The following MAML3 variants were observed in gnomAD, a reference collection of about 807,000 sequenced individuals.
MAML3 encodes the protein mastermind-like protein 3.
In MAML3, 27 loss-of-function variants were observed where a neutral mutation model predicts 101.9. The ratio of observed to expected loss-of-function variants is 0.27; its 90% CI spans 0.20 to 0.37. The LOEUF (loss-of-function observed/expected upper bound fraction) is 0.37. Ranked by LOEUF, MAML3 falls within the 10% of genes least tolerant of loss-of-function variation. The probability of loss-of-function intolerance (pLI) is 1.00; values close to 1 mark genes in which losing one functional copy is unlikely to be tolerated. For synonymous variants in MAML3, 501 were observed against 555.9 expected (o/e 0.90, Z 1.39); for missense variants, 1,316 against 1,444.9 (o/e 0.91, Z 1.45).
At chr4:139,891,012 AT>A in intron 1 of MAML3, 45 bp from the exon 2 acceptor site, 1 of 1,572,192 alleles carries the variant, frequency 6.4e-7, no homozygotes, top group Non-Finnish European at 8.6e-7. Context: ...TCCAAGTCAT[AT>A]TTTACTCTTT....
chr4:139,868,029 G>A (rs1310192668), intron 2 of MAML3, among the ~76,000 whole-genome samples: 1 of 152,238 alleles, frequency 6.6e-6, no homozygotes, highest in Non-Finnish European at 1.5e-5. Flanking sequence ...GCATTTATAA[G>A]GCACTTCTTT....
intron 2 of MAML3, among the ~76,000 whole-genome samples, chr4:139,844,892 C>A (rs979030853): frequency 6.6e-6 from 1 of 152,164 alleles, no homozygotes; most frequent in African/African-American, 2.4e-5. Flanking sequence ...TTTGTTTAGT[C>A]CTATTCTGGC....
intron 1 of MAML3, among the ~76,000 whole-genome samples, chr4:140,053,969 G>A (rs555844628): frequency 2.0e-5 from 3 of 152,110 alleles, no homozygotes; most frequent in Admixed American, 6.5e-5. Context: ...ACTGTGGTTA[G>A]GTCTAAGAAG....
rs78006170 is a variant in MAML3 at position 139,944,077 on chromosome 4, C to T, written c.469-53110G>A. On this transcript the variant is annotated intron_variant, in intron 1 of 4. Transcript: ENST00000509479. ...AGTAGAGAGGGGATTTCACCATGTTCGCTGGGATGGTCTCGATCTGCTGAC... is the reference window on the plus strand; with the variant it reads ...AGTAGAGAGGGGATTTCACCATGTTTGCTGGGATGGTCTCGATCTGCTGAC... 8.0e-3 allele frequency among the ~76,000 whole-genome samples: 1,212 copies of T among 151,972 alleles called. 13 individuals carry two copies. Among genetic ancestry groups the T allele is most frequent in the Admixed American group, 0.029 (443 of 15,268 alleles).
At chr4:140,052,539 T>C (rs1727285023) in intron 1 of MAML3, among the ~76,000 whole-genome samples, 1 of 151,062 alleles carries the variant, frequency 6.6e-6, no homozygotes, top group Admixed American at 6.6e-5. Context: ...ATATTTCTTT[T>C]TTTTTTTTTT....
chr4:140,049,575 T>C (rs534746796), intron 1 of MAML3, among the ~76,000 whole-genome samples: 60 of 152,258 alleles, frequency 3.9e-4, no homozygotes, highest in African/African-American at 1.4e-3. Flanking sequence ...ATCAGGGTGT[T>C]AACAACAACC....
chr4:139,968,532 GT>G (rs1392948683), intron 1 of MAML3, among the ~76,000 whole-genome samples: 7 of 152,172 alleles, frequency 4.6e-5, no homozygotes, highest in African/African-American at 1.4e-4. Flanking sequence ...ACAGTAATAA[GT>G]TTGATGACTA....
intron 1 of MAML3, among the ~76,000 whole-genome samples, chr4:139,955,825 T>A (rs1318139308): frequency 1.3e-5 from 2 of 152,184 alleles, no homozygotes; most frequent in African/African-American, 4.8e-5. Flanking sequence ...GAGTTCTCTG[T>A]ATTCCCTTAC....
At chr4:139,885,787 G>A (rs890709325) in intron 2 of MAML3, among the ~76,000 whole-genome samples, 1 of 146,768 alleles carries the variant, frequency 6.8e-6, no homozygotes, top group Admixed American at 6.8e-5. Flanking sequence ...AAAAAAATTA[G>A]CCAGGCGTGC....
At chr4:139,953,508 C>A (rs1733865813) in intron 1 of MAML3, among the ~76,000 whole-genome samples, 1 of 152,146 alleles carries the variant, frequency 6.6e-6, no homozygotes, top group Non-Finnish European at 1.5e-5. Flanking sequence ...TGCCTGTAAT[C>A]CCAGCTACTC....
chr4:139,834,257 T>C (rs1415141628), intron 2 of MAML3, among the ~76,000 whole-genome samples: 3 of 152,236 alleles, frequency 2.0e-5, no homozygotes, highest in South Asian at 2.1e-4. Context: ...ACTGATGATA[T>C]AGTGGTGTGC....
At chr4:140,062,491 C>T (rs1034112745) in intron 1 of MAML3, among the ~76,000 whole-genome samples, 3 of 152,168 alleles carry the variant, frequency 2.0e-5, no homozygotes, top group Non-Finnish European at 4.4e-5. Flanking sequence ...TAAGGTTTAA[C>T]GACCAGTGTC....
rs745869705 is a variant in MAML3 at position 139,890,692 on chromosome 4, C to G, written c.744G>C (p.Arg248Ser). The change falls in exon 2 of 5, where the codon AGG becomes AGC. Residue 248 changes from arginine to serine, a missense_variant. Arg to Ser is a moderately radical substitution (Grantham distance 110, BLOSUM62 -1). Transcript: ENST00000509479. This position sits in a 1 kb window ranked among gnomAD's most constrained non-coding sequence, Gnocchi z 4.1. The stretch of plus-strand genomic sequence containing the variant: ...TGACAGGAAGTTTAATCTCAGGGAG[C>G]CTACCATTCTTACTTAGATCTTCTA... ...GLLEDLSKNG[R>S]LPEIKLPVNG... 13 of 1,613,988 alleles carry G rather than the reference C, an allele frequency of 8.1e-6. No homozygotes were observed. In the Admixed American group the frequency reaches 8.3e-5, roughly 10 times the overall value.
At chr4:140,028,119 T>C (rs1726855435) in intron 1 of MAML3, among the ~76,000 whole-genome samples, 1 of 152,240 alleles carries the variant, frequency 6.6e-6, no homozygotes, top group African/African-American at 2.4e-5. Context: ...TAATTCTATT[T>C]AGAAATTAAT....
At chr4:139,737,103 A>G (rs1728975699) in intron 2 of MAML3, among the ~76,000 whole-genome samples, 1 of 152,120 alleles carries the variant, frequency 6.6e-6, no homozygotes, top group Admixed American at 6.6e-5. Flanking sequence ...CGAGTCCCCT[A>G]TAATGCCCTT....
intron 2 of MAML3, among the ~76,000 whole-genome samples, chr4:139,818,516 T>G (rs908031443): frequency 2.0e-5 from 3 of 152,196 alleles, no homozygotes; most frequent in African/African-American, 4.8e-5. Flanking sequence ...TCCTTCCTAC[T>G]CATGACTATT....
At chr4:139,957,489 T>C (rs769656) in intron 1 of MAML3, among the ~76,000 whole-genome samples, 64,025 of 152,052 alleles carry the variant, frequency 0.42, 16,165 homozygotes, top group African/African-American at 0.71. Flanking sequence ...TAGAAGCTGG[T>C]ACCTCTGGTT....
At chr4:139,810,819 A>C (rs562462622) in intron 2 of MAML3, among the ~76,000 whole-genome samples, 1 of 152,190 alleles carries the variant, frequency 6.6e-6, no homozygotes, top group Non-Finnish European at 1.5e-5. Context: ...CTTCAGTAGA[A>C]TCCTGATTGT....
At chr4:139,902,757 G>A (rs1732751993) in intron 1 of MAML3, among the ~76,000 whole-genome samples, 1 of 152,126 alleles carries the variant, frequency 6.6e-6, no homozygotes, top group Non-Finnish European at 1.5e-5. Context: ...ATTAGACCAA[G>A]GTACTGTTGT....
Sources: allele counts gnomAD v4.1 joint callset (sites outside exome capture counted in the v4.1 genomes callset), GRCh38; gene constraint gnomAD v4.1.1; non-coding constraint Gnocchi (gnomAD v3.1); transcripts MANE v1.5; gene names NCBI Gene and HGNC (gene_info 2026-07-23, HGNC 2026-07-21).